The following VCL variants were observed in gnomAD, a reference collection of about 807,000 sequenced individuals.
VCL encodes epididymis luminal protein 114.
A neutral mutation model predicts 125.7 loss-of-function variants in VCL; 47 were observed. The observed-to-expected ratio is 0.37, with a 90% CI of 0.30 to 0.48. VCL has a LOEUF of 0.48. Among genes scored for constraint, VCL ranks in the 20% least tolerant of loss-of-function variants. VCL has a pLI of 0.99. For synonymous variants in VCL, 458 were observed against 514.6 expected (o/e 0.89, Z 1.49); for missense variants, 1,069 against 1,455.5 (o/e 0.73, Z 4.32).
chr10:74,040,224 C>T (rs944510872), intron 1 of VCL, among the ~76,000 whole-genome samples: 1 of 152,226 alleles, frequency 6.6e-6, no homozygotes, highest in Admixed American at 6.5e-5. Context: ...CTCTCTGTCT[C>T]TCCCTACTAG....
chr10:74,009,995 G>T (rs1840401569), intron 1 of VCL, among the ~76,000 whole-genome samples: 1 of 151,536 alleles, frequency 6.6e-6, no homozygotes, highest in South Asian at 2.1e-4. Context: ...TGAGATCTCA[G>T]CTCACTGCAA....
Position 74,047,998 on chromosome 10 carries a change from C to G in VCL, c.239+4845C>G, listed in dbSNP as rs544044957. ...CCTGGCTGCACTGGCAGATAGAGCTCACAATTTACTAATTTTACCCAAGAC... is the reference window on the plus strand; with the variant it reads ...CCTGGCTGCACTGGCAGATAGAGCTGACAATTTACTAATTTTACCCAAGAC... On this transcript the variant is annotated intron_variant, in intron 2 of 21. Transcript: ENST00000211998. 5.3e-5 allele frequency among the ~76,000 whole-genome samples: 8 copies of G among 152,260 alleles called. No individual in the cohort carries two copies. In the East Asian group the frequency reaches 1.5e-3, roughly 29 times the overall value.
At chr10:74,066,061 A>ATTT (rs954704183) in intron 2 of VCL, among the ~76,000 whole-genome samples, 1 of 137,470 alleles carries the variant, frequency 7.3e-6, no homozygotes, top group Non-Finnish European at 1.6e-5. Context: ...ATATATATAT[A>ATTT]TTTTTTTTTT....
intron 11 of VCL, among the ~76,000 whole-genome samples, chr10:74,094,820 G>T (rs978264354): frequency 1.3e-5 from 2 of 152,176 alleles, no homozygotes; most frequent in Admixed American, 6.5e-5. Flanking sequence ...CACCTTTCCA[G>T]CTACTTGGGA....
At chr10:74,058,136 T>C (rs1416213297) in intron 2 of VCL, among the ~76,000 whole-genome samples, 1 of 152,128 alleles carries the variant, frequency 6.6e-6, no homozygotes, top group Non-Finnish European at 1.5e-5. Context: ...GACAATTGAT[T>C]TTGCCTGCCA....
intron 16 of VCL, among the ~76,000 whole-genome samples, chr10:74,106,996 G>A (rs1021320321): frequency 1.3e-5 from 2 of 152,202 alleles, no homozygotes; most frequent in African/African-American, 4.8e-5. Flanking sequence ...TAGTTGTACA[G>A]CCAAGAAGGC....
chr10:74,037,961 T>C (rs1479721307), intron 1 of VCL, among the ~76,000 whole-genome samples: 1 of 152,068 alleles, frequency 6.6e-6, no homozygotes, highest in Non-Finnish European at 1.5e-5. Flanking sequence ...TCTTCAGTTA[T>C]ACTGGCCACA....
chr10:74,117,176 G>T (rs1008093091), intron 21 of VCL, among the ~76,000 whole-genome samples: 4 of 152,136 alleles, frequency 2.6e-5, no homozygotes, highest in Admixed American at 1.3e-4. Flanking sequence ...AAATATTTAT[G>T]AAATACCTCC....
Position 74,070,682 on chromosome 10 carries a change from T to C in VCL, c.252T>C (p.Ala84=). 1.2e-6 allele frequency: 2 copies of C among 1,614,160 alleles called. No individual in the cohort carries two copies. Among genetic ancestry groups the C allele is most frequent in the Non-Finnish European group, 1.7e-6 (2 of 1,180,014 alleles). Residue 84 remains alanine, a synonymous_variant, in exon 3 of 22, where the codon GCT becomes GCC. Transcript: ENST00000211998. ...MPPAFIKVEN[A]CTKLVQAAQM... ...TTCTTCCCTATAGGGTTGAGAATGCTTGCACCAAGCTTGTCCAGGCAGCTC... is the reference window on the plus strand; with the variant it reads ...TTCTTCCCTATAGGGTTGAGAATGCCTGCACCAAGCTTGTCCAGGCAGCTC...
chr10:74,002,067 C>A (rs931881592), intron 1 of VCL, among the ~76,000 whole-genome samples: 2 of 151,988 alleles, frequency 1.3e-5, no homozygotes. Context: ...TTATTGAGAC[C>A]CCTTCCAATG....
intron 1 of VCL, among the ~76,000 whole-genome samples, chr10:74,024,740 G>T (rs903833548): frequency 1.3e-5 from 2 of 152,210 alleles, no homozygotes; most frequent in East Asian, 3.8e-4. Context: ...TTAAGGCCAG[G>T]CTGACTCAGC....
intron 2 of VCL, among the ~76,000 whole-genome samples, chr10:74,047,117 T>C (rs962955338): frequency 6.6e-6 from 1 of 152,108 alleles, no homozygotes; most frequent in African/African-American, 2.4e-5. Context: ...CCAATAAATG[T>C]GGAAGACATG....
At chr10:74,111,705 C>T (rs1033701633) in intron 18 of VCL, among the ~76,000 whole-genome samples, 1 of 152,156 alleles carries the variant, frequency 6.6e-6, no homozygotes, top group Non-Finnish European at 1.5e-5. Flanking sequence ...TCTTCTCTCA[C>T]CACACAGTGG....
chr10:74,098,005 G>T (rs1048747035), intron 13 of VCL, among the ~76,000 whole-genome samples: 4 of 152,176 alleles, frequency 2.6e-5, no homozygotes, highest in Non-Finnish European at 5.9e-5. Context: ...GGAAGAGATG[G>T]ACATGTTTCG....
intron 8 of VCL, among the ~76,000 whole-genome samples, chr10:74,087,340 T>TG (rs1328030468): frequency 1.0e-5 from 1 of 97,518 alleles, no homozygotes; most frequent in Non-Finnish European, 2.1e-5. Context: ...TAGGTTTTTC[T>TG]TTTTTTTTTT....
At chr10:74,067,631 G>T (rs1400033701) in intron 2 of VCL, among the ~76,000 whole-genome samples, 1 of 152,140 alleles carries the variant, frequency 6.6e-6, no homozygotes, top group Non-Finnish European at 1.5e-5. Context: ...ACAAACTGTG[G>T]CATATCCATA....
chr10:74,087,358 T>TA (rs1839799479), intron 8 of VCL, among the ~76,000 whole-genome samples: 12 of 141,080 alleles, frequency 8.5e-5, no homozygotes, highest in East Asian at 2.1e-4. Flanking sequence ...TTTTTTTTCT[T>TA]TTTTTGAGAC....
chr10:74,116,696 AAAT>A (rs1564536362), intron 21 of VCL, among the ~76,000 whole-genome samples: 6 of 151,154 alleles, frequency 4.0e-5, no homozygotes, highest in Non-Finnish European at 4.4e-5. Flanking sequence ...CAAAAAAAAA[AAAT>A]AATAATAAAA....
intron 1 of VCL, among the ~76,000 whole-genome samples, chr10:74,019,923 C>T (rs756746431): frequency 3.3e-5 from 5 of 151,836 alleles, no homozygotes; most frequent in African/African-American, 4.8e-5. Context: ...ATTAGCCGGG[C>T]GTGGTGGCGG....
Sources: gnomAD v4.1 joint callset for allele counts (sites outside exome capture counted in the v4.1 genomes callset) on GRCh38, gnomAD v4.1.1 for gene constraint, MANE v1.5 for transcripts, NCBI Gene and HGNC (gene_info 2026-07-23, HGNC 2026-07-21) for gene names.